The following ACYP2 variants were observed in gnomAD, a reference collection of about 807,000 sequenced individuals.
The protein encoded by ACYP2 is acylphosphatase-2.
ACYP2 carries 12 observed loss-of-function variants against 11.2 expected under a neutral mutation model. The observed-to-expected ratio is 1.08, with a 90% confidence interval of 0.69 to 1.74. The LOEUF (loss-of-function observed/expected upper bound fraction) is 1.74, where lower values mean the gene tolerates loss of function less well. Among genes scored for constraint, ACYP2 ranks in the 40% most tolerant of loss-of-function variants. ACYP2 has a pLI of 0.00. For synonymous variants in ACYP2, 43 were observed against 32.2 expected, an observed-to-expected ratio of 1.33 and a Z score of -1.13; for missense variants, 134 against 101.9, an observed-to-expected ratio of 1.31 and a Z score of -1.35.
At chr2:54,088,181 A>G (rs544458890) in intron 4 of ACYP2, among the ~76,000 whole-genome samples, 1 of 152,308 alleles carries the variant, frequency 6.6e-6, no homozygotes, top group African/African-American at 2.4e-5. Context: ...CTAGGTTAGA[A>G]TCAGCCTGTA....
intron 2 of ACYP2, among the ~76,000 whole-genome samples, chr2:53,990,384 C>T (rs1486262958): frequency 6.6e-6 from 1 of 152,084 alleles, no homozygotes; most frequent in Non-Finnish European, 1.5e-5. Flanking sequence ...AGCTGTGGCT[C>T]ATGCCTGTAA....
chr2:54,031,622 G>A (rs1469091692), intron 2 of ACYP2, among the ~76,000 whole-genome samples: 12 of 152,130 alleles, frequency 7.9e-5, no homozygotes, highest in African/African-American at 2.9e-4. Flanking sequence ...ATGATTTATA[G>A]TCCTTTGAGT....
intron 6 of ACYP2, among the ~76,000 whole-genome samples, chr2:54,170,372 C>T (rs1454259362): frequency 2.0e-5 from 3 of 152,054 alleles, no homozygotes; most frequent in Non-Finnish European, 4.4e-5. Context: ...AGCCTGGTCT[C>T]GAACTCACAG....
chr2:54,234,133 A>T (rs1686366995), intron 6 of ACYP2, among the ~76,000 whole-genome samples: 1 of 152,188 alleles, frequency 6.6e-6, no homozygotes, highest in Non-Finnish European at 1.5e-5. Flanking sequence ...TTGTTTGATG[A>T]TAGGAATAAG....
At chr2:54,285,295 C>T (rs957780055) in intron 6 of ACYP2, among the ~76,000 whole-genome samples, 1 of 152,184 alleles carries the variant, frequency 6.6e-6, no homozygotes. Context: ...CACTGAGTTT[C>T]TAGGATACCA....
chr2:54,267,196 G>A, intron 6 of ACYP2: 1 of 1,256,604 alleles, frequency 8.0e-7, no homozygotes, highest in Non-Finnish European at 1.1e-6. Flanking sequence ...TCAAGAAAAT[G>A]TTTTTTAGGG....
At chr2:54,139,882 A>G (rs567182269) in intron 6 of ACYP2, among the ~76,000 whole-genome samples, 1 of 152,314 alleles carries the variant, frequency 6.6e-6, no homozygotes, top group South Asian at 2.1e-4. Flanking sequence ...TTAAGTATGC[A>G]TTTGTAATTA....
At chr2:54,144,398 C>T (rs948478538) in intron 6 of ACYP2, among the ~76,000 whole-genome samples, 25 of 151,822 alleles carry the variant, frequency 1.6e-4, no homozygotes, top group African/African-American at 3.6e-4. Flanking sequence ...AAATCTCGGC[C>T]GGTGCGGTGG....
chr2:54,271,193 C>T (rs1007322577), intron 6 of ACYP2, among the ~76,000 whole-genome samples: 18 of 152,226 alleles, frequency 1.2e-4, no homozygotes, highest in East Asian at 3.9e-4. Flanking sequence ...CCTCCTTGTC[C>T]GGGACTGAAG....
chr2:54,178,963 G>A (rs566091380), intron 6 of ACYP2, among the ~76,000 whole-genome samples: 1 of 152,168 alleles, frequency 6.6e-6, no homozygotes, highest in South Asian at 2.1e-4. Flanking sequence ...TACTTCTCAT[G>A]GATCTGGAGG....
At chr2:54,182,396 C>T (rs925713112) in intron 6 of ACYP2, among the ~76,000 whole-genome samples, 8 of 152,120 alleles carry the variant, frequency 5.3e-5, no homozygotes, top group African/African-American at 1.4e-4. Context: ...GGCGGGAATA[C>T]GGTTGCACAA....
intron 6 of ACYP2, among the ~76,000 whole-genome samples, chr2:54,151,690 T>G (rs1014040889): frequency 2.0e-5 from 3 of 152,206 alleles, no homozygotes; most frequent in African/African-American, 4.8e-5. Context: ...CCTCAAATAC[T>G]AAATCATTTA....
At chr2:54,120,960 G>A (rs932434100) in intron 4 of ACYP2, among the ~76,000 whole-genome samples, 2 of 152,132 alleles carry the variant, frequency 1.3e-5, no homozygotes, top group Non-Finnish European at 2.9e-5. Flanking sequence ...GAATGGGAGC[G>A]TGTCACAACT....
At chr2:54,146,924 A>T (rs1054416861) in intron 6 of ACYP2, among the ~76,000 whole-genome samples, 1 of 151,508 alleles carries the variant, frequency 6.6e-6, no homozygotes, top group Non-Finnish European at 1.5e-5. Flanking sequence ...CCTCCTGAGT[A>T]GCAGGGATTA....
chr2:54,212,300 G>C (rs1685359624), intron 6 of ACYP2, among the ~76,000 whole-genome samples: 1 of 152,270 alleles, frequency 6.6e-6, no homozygotes, highest in African/African-American at 2.4e-5. Context: ...CAAGTGGATG[G>C]ATTGCCTTTC....
chr2:54,225,459 G>A (rs1685974398), intron 6 of ACYP2, among the ~76,000 whole-genome samples: 1 of 151,902 alleles, frequency 6.6e-6, no homozygotes, highest in Non-Finnish European at 1.5e-5. Context: ...TTAATACATG[G>A]GGAGTGACAG....
chr2:53,989,965 C>CCTTTTCTTTT (rs199789979), intron 2 of ACYP2, among the ~76,000 whole-genome samples: 3 of 144,190 alleles, frequency 2.1e-5, no homozygotes, highest in African/African-American at 5.1e-5. Context: ...TTACATAAAC[C>CCTTTTCTTTT]CTTTTCTTTT....
At chr2:54,167,396 A>C (rs535454919) in intron 6 of ACYP2, among the ~76,000 whole-genome samples, 2 of 152,366 alleles carry the variant, frequency 1.3e-5, no homozygotes, top group East Asian at 3.9e-4. Flanking sequence ...GAAAAGATAT[A>C]ATGGTGGCAA....
At chr2:54,137,661 T>C (rs1236519555) in intron 5 of ACYP2, among the ~76,000 whole-genome samples, 1 of 152,254 alleles carries the variant, frequency 6.6e-6, no homozygotes, top group Non-Finnish European at 1.5e-5. Flanking sequence ...ATGTACCACA[T>C]TTTCTTTATC....
Sources: allele counts gnomAD v4.1 joint callset (sites outside exome capture counted in the v4.1 genomes callset), GRCh38; gene constraint gnomAD v4.1.1; transcripts MANE v1.5; gene names NCBI Gene and HGNC (gene_info 2026-07-23, HGNC 2026-07-21).